SLC13A4: variants seen among roughly 807,000 people sequenced by gnomAD.
SLC13A4 encodes the protein solute carrier family 13 member 4.
In SLC13A4, 28 loss-of-function variants were observed where a neutral mutation model predicts 72.7. The ratio of observed to expected loss-of-function variants is 0.39; its 90% CI spans 0.29 to 0.53. The LOEUF (loss-of-function observed/expected upper bound fraction) is 0.53. Among genes scored for constraint, SLC13A4 ranks in the 20% least tolerant of loss-of-function variants. The probability of loss-of-function intolerance (pLI) is 0.78; values close to 1 mark genes in which losing one functional copy is unlikely to be tolerated. For missense variants in SLC13A4, 653 were observed against 788.0 expected (o/e 0.83, Z 2.05); for synonymous variants, 312 against 325.5 (o/e 0.96, Z 0.45).
rs1423878657 is a variant in SLC13A4 at position 135,727,451 on chromosome 7, C to G, written c.46G>C (p.Val16Leu). ...AGCAGCAGGAGCGGGACGCAGACGA[C>G]CAGCAGCAGCTTCCGGACTCGGAGC... is the stretch of plus-strand genomic sequence containing the variant. ...GLLRVRKLLL[V>L]VCVPLLLLPL... The change falls in exon 1 of 16, where the codon GTC (valine) becomes CTC (leucine). Residue 16 changes from valine to leucine, a missense_variant. Val to Leu is a conservative substitution (Grantham distance 32). Coordinates refer to ENST00000682651, the MANE Select transcript of SLC13A4 (RefSeq NM_001318192.2). The G allele has an allele frequency of 1.3e-6, 2 of 1,550,356 alleles. No individual in the cohort carries two copies. Among genetic ancestry groups the G allele is most frequent in the Non-Finnish European group, 1.7e-6 (2 of 1,146,916 alleles).
chr7:135,697,729 C>T (rs1795935521), intron 8 of SLC13A4, among the ~76,000 whole-genome samples: 1 of 152,136 alleles, frequency 6.6e-6, no homozygotes, highest in African/African-American at 2.4e-5. Flanking sequence ...CTTGCCAAGC[C>T]CTGAAGATCT....
At chr7:135,700,627 T>C (rs1045521714) in intron 7 of SLC13A4, among the ~76,000 whole-genome samples, 4 of 152,192 alleles carry the variant, frequency 2.6e-5, no homozygotes, top group Non-Finnish European at 5.9e-5. Context: ...CACAGAATAG[T>C]TTAAGTGTAG....
At chr7:135,724,644 C>T (rs1031297511) in intron 1 of SLC13A4, among the ~76,000 whole-genome samples, 4 of 151,918 alleles carry the variant, frequency 2.6e-5, no homozygotes, top group Non-Finnish European at 2.9e-5. Flanking sequence ...GTTAGACATG[C>T]GACTAGGTTA....
Position 135,706,221 on chromosome 7 carries a change from G to A in SLC13A4, c.445C>T (p.Pro149Ser), listed in dbSNP as rs774172081. 6.2e-7 allele frequency: 1 copy of A among 1,613,978 alleles called. No homozygotes were observed. Among genetic ancestry groups the A allele is most frequent in the South Asian group, 1.1e-5 (1 of 91,072 alleles). The change falls in exon 4 of 16, where the codon CCC (proline) becomes TCC (serine). Residue 149 changes from proline (P) to serine (S), a missense_variant. By Grantham distance (74) the Pro-to-Ser change is moderately conservative (BLOSUM62 -1). Transcript: ENST00000682651. ...SNTSTTAMVM[P>S]IVEAVLQELV... ...TCCTGCAGCACGGCCTCCACGATGGGCATCACCATGGCGGTGGTGGAGGTG... is the reference window on the plus strand; with the variant it reads ...TCCTGCAGCACGGCCTCCACGATGGACATCACCATGGCGGTGGTGGAGGTG...
intron 8 of SLC13A4, among the ~76,000 whole-genome samples, chr7:135,696,357 AT>A (rs111407145): frequency 2.0e-5 from 3 of 150,100 alleles, no homozygotes; most frequent in African/African-American, 2.4e-5. Flanking sequence ...TTTTATTTTT[AT>A]TTTTTTTTGA....
At chr7:135,721,826 A>T (rs1254278539) in intron 1 of SLC13A4, among the ~76,000 whole-genome samples, 1 of 152,228 alleles carries the variant, frequency 6.6e-6, no homozygotes, top group East Asian at 1.9e-4. Flanking sequence ...ACTTAACTGC[A>T]GTGACCAGAC....
Position 135,681,538 on chromosome 7 carries a change from G to A in SLC13A4, c.*25C>T, listed in dbSNP as rs1173976777. 1.9e-6 allele frequency: 3 copies of A among 1,606,742 alleles called. No homozygotes were observed. In the South Asian group the frequency reaches 3.3e-5, roughly 18 times the overall value. ...CTGCTGGATACTGGCAGCTCCTGTG[G>A]TTGGGCCAGTTTGTACACTTGGCGT... On this transcript the variant is annotated 3_prime_UTR_variant, in exon 16 of 16. Transcript: ENST00000682651.
chr7:135,700,888 A>G (rs1318945727), intron 7 of SLC13A4, among the ~76,000 whole-genome samples: 1 of 152,158 alleles, frequency 6.6e-6, no homozygotes, highest in East Asian at 1.9e-4. Context: ...GAGCTCAAGT[A>G]TCCTCCTGTC....
intron 2 of SLC13A4, among the ~76,000 whole-genome samples, chr7:135,713,588 T>C (rs1407599981): frequency 1.3e-5 from 2 of 152,150 alleles, no homozygotes; most frequent in African/African-American, 4.8e-5. Flanking sequence ...TTATTTTATA[T>C]ATTTTTTGAG....
In SLC13A4 at chr7:135,718,519, T is replaced by A. The variant is rs1348804165; in HGVS notation, c.228+2876A>T. Among the ~76,000 whole-genome samples the A allele has an allele frequency of 3.9e-5, 6 of 152,178 alleles. No individual in the cohort carries two copies. The East Asian group carries it at 1.2e-3, about 29-fold the overall frequency. On this transcript the variant is annotated intron_variant, in intron 2 of 15. Coordinates refer to ENST00000682651, the MANE Select transcript of SLC13A4 (RefSeq NM_001318192.2). ...ACATCCCAGAGAGCATGAATCTCGG[T>A]GGGGAGAGCACATGTCTATGAAAAG...
chr7:135,727,340 C>T, intron 1 of SLC13A4, 58 bp downstream of exon 1: 1 of 1,533,224 alleles, frequency 6.5e-7, no homozygotes, highest in Non-Finnish European at 8.8e-7. Context: ...CTACCGACCT[C>T]CCCTCTTTGC....
chr7:135,715,248 T>C (rs567286325), intron 2 of SLC13A4, among the ~76,000 whole-genome samples: 1 of 151,810 alleles, frequency 6.6e-6, no homozygotes, highest in African/African-American at 2.4e-5. Context: ...TGTATGTGTA[T>C]GTGTATGAGT....
At chr7:135,700,107 C>A (rs1421936713) in intron 7 of SLC13A4, among the ~76,000 whole-genome samples, 1 of 152,178 alleles carries the variant, frequency 6.6e-6, no homozygotes, top group Non-Finnish European at 1.5e-5. Flanking sequence ...TACATAAAAA[C>A]CCTAGTCTTC....
intron 15 of SLC13A4, among the ~76,000 whole-genome samples, chr7:135,682,384 A>G (rs1005438334): frequency 2.0e-5 from 3 of 152,252 alleles, no homozygotes; most frequent in Non-Finnish European, 2.9e-5. Flanking sequence ...CCAGATGGAA[A>G]AATGTGTCCT....
At chr7:135,705,485 G>A in intron 5 of SLC13A4, 111 bp downstream of exon 5, 1 of 971,262 alleles carries the variant, frequency 1.0e-6, no homozygotes, top group Non-Finnish European at 1.6e-6. Flanking sequence ...GCAAGGTGGT[G>A]AGCTTGGGTG....
chr7:135,703,872 A>G (rs1321956553), intron 5 of SLC13A4: 1 of 152,232 alleles, frequency 6.6e-6, no homozygotes, highest in Non-Finnish European at 1.5e-5. Context: ...ATGTGCTGTG[A>G]TGTTTCCCTT....
chr7:135,693,805 G>A (rs905321951), intron 10 of SLC13A4, among the ~76,000 whole-genome samples: 1 of 152,234 alleles, frequency 6.6e-6, no homozygotes, highest in African/African-American at 2.4e-5. Flanking sequence ...TGAGCAATGA[G>A]AGGTGGCCTG....
rs59407311 is a variant in SLC13A4 at position 135,708,917 on chromosome 7, ATTTTTTTTTTTTTTT to A, written c.229-682_229-668del. Among the ~76,000 whole-genome samples the A allele has an allele frequency of 8.4e-5, 6 of 71,446 alleles. 1 individual carries two copies. Among genetic ancestry groups the A allele is most frequent in the African/African-American group, 2.9e-4 (5 of 17,128 alleles). 46.9% of individuals were successfully genotyped at this position (71,446 alleles called of 152,430 possible). On this transcript the variant is annotated intron_variant, in intron 2 of 15. Transcript: ENST00000682651. ...TTTCTTTGAGACAGAGTCTTGCTCA[ATTTTTTTTTTTTTTT>A]TTTTTTTTTTTTTGTGAGATGGAGT... is the stretch of plus-strand genomic sequence containing the variant.
Position 135,681,420 on chromosome 7 carries a change from G to A in SLC13A4, c.*143C>T, listed in dbSNP as rs111950450. 7.4e-5 allele frequency: 74 copies of A among 997,064 alleles called. No individual in the cohort carries two copies. Among genetic ancestry groups the A allele is most frequent in the Middle Eastern group, 6.0e-4 (2 of 3,330 alleles). The allele number at this position is 997,064 out of a possible 1,614,324, so 61.8% of individuals were successfully genotyped here. ...ATTCCTGCAGTTCACTTGAGGTGGCGGAATCTTCTGGTGGAGGGATGCCCT... is the reference window on the plus strand; with the variant it reads ...ATTCCTGCAGTTCACTTGAGGTGGCAGAATCTTCTGGTGGAGGGATGCCCT... On this transcript the variant is annotated 3_prime_UTR_variant, in exon 16 of 16. Transcript: ENST00000682651.
Sources: gnomAD v4.1 joint callset for allele counts (sites outside exome capture counted in the v4.1 genomes callset) on GRCh38, gnomAD v4.1.1 for gene constraint, MANE v1.5 for transcripts, NCBI Gene and HGNC (gene_info 2026-07-23, HGNC 2026-07-21) for gene names.